IDE: variants seen among roughly 807,000 people sequenced by gnomAD.
The protein encoded by IDE is insulin-degrading enzyme.
A neutral mutation model predicts 133.2 loss-of-function variants in IDE; 58 were observed. That is an observed-to-expected ratio of 0.44 (90% confidence interval 0.35 to 0.54). The LOEUF is 0.54. Ranked by LOEUF, IDE falls within the 20% of genes least tolerant of loss-of-function variation. The probability of loss-of-function intolerance (pLI) is 0.00; values close to 1 mark genes in which losing one functional copy is unlikely to be tolerated. For missense variants in IDE, 981 were observed against 1,234.0 expected (o/e 0.79, Z 3.07); for synonymous variants, 396 against 421.3 (o/e 0.94, Z 0.73).
chr10:92,467,882 GTAA>G (rs1589373164), intron 19 of IDE, among the ~76,000 whole-genome samples: 1 of 152,346 alleles, frequency 6.6e-6, no homozygotes, highest in South Asian at 2.1e-4. Flanking sequence ...GTATCCTGAA[GTAA>G]TAATATGTTC....
chr10:92,572,997 T>A, intron 1 of IDE: 1 of 985,204 alleles, frequency 1.0e-6, no homozygotes, highest in Non-Finnish European at 1.2e-6. Context: ...ATACTTTACA[T>A]AGAGGGTCCA....
intron 21 of IDE, among the ~76,000 whole-genome samples, chr10:92,462,863 GAGAC>G: frequency 6.6e-6 from 1 of 152,260 alleles, no homozygotes; most frequent in South Asian, 2.1e-4. Flanking sequence ...CAATAAATGA[GAGAC>G]AGTATTATCA....
At chr10:92,544,484 G>A (rs905408076) in intron 1 of IDE, among the ~76,000 whole-genome samples, 2 of 152,192 alleles carry the variant, frequency 1.3e-5, no homozygotes, top group African/African-American at 4.8e-5. Context: ...TAAGTGACTT[G>A]CCCAAGGGCA....
At chr10:92,497,891 C>A (rs1452179197) in intron 11 of IDE, 1 of 158,322 alleles carries the variant, frequency 6.3e-6, no homozygotes, top group African/African-American at 2.4e-5. Context: ...AAAACATATG[C>A]TCCAGCAAAT....
At chr10:92,553,069 C>T (rs1842864930) in intron 1 of IDE, among the ~76,000 whole-genome samples, 1 of 151,832 alleles carries the variant, frequency 6.6e-6, no homozygotes, top group African/African-American at 2.4e-5. Context: ...AACGATAGTA[C>T]TGAATTTTCA....
At position 92,454,414 on chromosome 10, in the gene IDE, C is replaced by T. The variant is rs746951491; in HGVS notation, c.*30G>A. 37 of 1,416,704 alleles carry T rather than the reference C, an allele frequency of 2.6e-5. No homozygotes were observed. The highest frequency in any genetic ancestry group is 3.6e-5 in the Non-Finnish European group (36 of 999,696). 87.8% of individuals were successfully genotyped at this position (1,416,704 alleles called of 1,614,324 possible). On this transcript the variant is annotated 3_prime_UTR_variant, in exon 25 of 25. Coordinates refer to ENST00000265986, the MANE Select transcript of IDE (RefSeq NM_004969.4). The stretch of plus-strand genomic sequence containing the variant: ...GCTCTGGAAGACTCAGGAATGCATC[C>T]ACTTGCACTTTCCCATGCATGGGGA...
At chr10:92,526,163 A>C (rs1394313630) in intron 4 of IDE, among the ~76,000 whole-genome samples, 1 of 152,016 alleles carries the variant, frequency 6.6e-6, no homozygotes, top group African/African-American at 2.4e-5. Context: ...AAAAAAAAAA[A>C]AAAAGTAAAG....
intron 4 of IDE, among the ~76,000 whole-genome samples, chr10:92,526,104 G>A (rs1057407233): frequency 8.6e-5 from 13 of 150,500 alleles, no homozygotes; most frequent in African/African-American, 2.9e-4. Context: ...AGTGAGCTGA[G>A]ATGGCGCCAC....
At chr10:92,457,404 C>T (rs750231124) in intron 22 of IDE, among the ~76,000 whole-genome samples, 14 of 152,172 alleles carry the variant, frequency 9.2e-5, no homozygotes, top group Non-Finnish European at 1.9e-4. Flanking sequence ...TAAGACACAG[C>T]AGCTTACATG....
Position 92,528,382 on chromosome 10 carries a change from G to T in IDE, c.661+3366C>A, listed in dbSNP as rs1480820461. On this transcript the variant is annotated intron_variant, in intron 4 of 24. Transcript: ENST00000265986. The stretch of plus-strand genomic sequence containing the variant: ...TCAGAGTCTACTGTCTATCACTTTG[G>T]ACTACTAAAACTGTGGGTCAGGACC... 2.0e-5 allele frequency among the ~76,000 whole-genome samples: 3 copies of T among 151,098 alleles called. 1 individual carries two copies. The highest frequency in any genetic ancestry group is 4.4e-5 in the Non-Finnish European group (3 of 67,894).
chr10:92,490,853 C>T (rs771799918), intron 11 of IDE, among the ~76,000 whole-genome samples: 11 of 152,012 alleles, frequency 7.2e-5, no homozygotes, highest in Non-Finnish European at 1.3e-4. Context: ...CTCTAGGTTG[C>T]TACTGACTAA....
chr10:92,501,116 T>G (rs572363181), intron 11 of IDE, among the ~76,000 whole-genome samples: 3 of 150,940 alleles, frequency 2.0e-5, no homozygotes, highest in African/African-American at 7.3e-5. Flanking sequence ...TCCCAGCACT[T>G]TGGGAGGCTG....
At position 92,470,482 on chromosome 10, in the gene IDE, T is replaced by G. The variant is rs751534911; in HGVS notation, c.2117-137A>C. The G allele has an allele frequency of 3.5e-5, 16 of 461,818 alleles. 1 individual carries two copies. The highest frequency in any genetic ancestry group is 5.9e-5 in the Non-Finnish European group (15 of 254,458). The allele number at this position is 461,818 out of a possible 1,614,324, so 28.6% of individuals were successfully genotyped here. A position where few individuals can be genotyped will look rare whatever the true frequency, so the allele number is the denominator to read the frequency against. ...CACTTCACCTAGTTTTCCCTAATGT[T>G]AACATCTTTCATAACCATCAAAACT... On this transcript the variant is annotated intron_variant, in intron 17 of 24. Transcript: ENST00000265986.
chr10:92,456,241 C>T, intron 23 of IDE, 118 bp downstream of exon 23: 1 of 748,230 alleles, frequency 1.3e-6, no homozygotes, highest in South Asian at 1.5e-5. Flanking sequence ...GACCTTATCT[C>T]CAGTTTCCGT....
At chr10:92,567,545 C>T (rs879657777) in intron 1 of IDE, among the ~76,000 whole-genome samples, 3 of 152,190 alleles carry the variant, frequency 2.0e-5, no homozygotes, top group Non-Finnish European at 2.9e-5. Flanking sequence ...AAAAATACAG[C>T]TTTCATATGT....
chr10:92,488,573 C>T (rs980259979), intron 12 of IDE, among the ~76,000 whole-genome samples: 4 of 151,898 alleles, frequency 2.6e-5, no homozygotes, highest in Non-Finnish European at 5.9e-5. Context: ...GTCAGGAGTT[C>T]GAGACCAGTC....
chr10:92,460,773 CA>C (rs1282952202), intron 22 of IDE, among the ~76,000 whole-genome samples: 2 of 152,214 alleles, frequency 1.3e-5, no homozygotes, highest in East Asian at 3.8e-4. Flanking sequence ...CTCAAATCCA[CA>C]AAAACACCTT....
intron 11 of IDE, chr10:92,497,547 A>G (rs1847778564): frequency 6.1e-6 from 1 of 162,782 alleles, no homozygotes; most frequent in Non-Finnish European, 1.3e-5. Context: ...CCAAGTGTAT[A>G]CCTAACAGGA....
chr10:92,567,319 C>T (rs771992333), intron 1 of IDE, among the ~76,000 whole-genome samples: 130 of 152,190 alleles, frequency 8.5e-4, no homozygotes, highest in Non-Finnish European at 1.3e-3. Context: ...CCCTCCTATT[C>T]TAGACTCAAA....
Sources: gnomAD v4.1 joint callset for allele counts (sites outside exome capture counted in the v4.1 genomes callset) on GRCh38, gnomAD v4.1.1 for gene constraint, MANE v1.5 for transcripts, NCBI Gene and HGNC (gene_info 2026-07-23, HGNC 2026-07-21) for gene names.